HTT: variants seen among roughly 807,000 people sequenced by gnomAD.
The protein encoded by HTT is huntington disease protein.
A neutral mutation model predicts 362.3 loss-of-function variants in HTT; 104 were observed. The observed-to-expected ratio is 0.29, with a 90% confidence interval of 0.24 to 0.34. HTT has a LOEUF of 0.34. Among genes scored for constraint, HTT ranks in the 10% least tolerant of loss-of-function variants. The pLI is 1.00. For synonymous variants in HTT, 1,577 were observed against 1,548.7 expected (o/e 1.02, Z -0.43); for missense variants, 3,301 against 3,928.6 (o/e 0.84, Z 4.27).
chr4:3,232,759 G>A (rs1008974137), intron 60 of HTT, among the ~76,000 whole-genome samples: 8 of 152,242 alleles, frequency 5.3e-5, no homozygotes, highest in South Asian at 2.1e-4. Context: ...TTAACTCCCC[G>A]CACAGTGAGC....
chr4:3,229,118 C>G lies in HTT; in HGVS notation c.8109+109C>G. ...CACACACATGCCACTTGCACACACACCCCTCATGCATGCAACACACACACA... is the reference window on the plus strand; with the variant it reads ...CACACACATGCCACTTGCACACACAGCCCTCATGCATGCAACACACACACA... On this transcript the variant is annotated intron_variant, in intron 59 of 66. Transcript: ENST00000355072. 3.6e-6 allele frequency: 4 copies of G among 1,096,512 alleles called. No homozygotes were observed. In the South Asian group the frequency reaches 5.9e-5, roughly 16 times the overall value. 67.9% of individuals were successfully genotyped at this position (1,096,512 alleles called of 1,614,324 possible).
Position 3,223,469 on chromosome 4 carries a change from A to G in HTT, c.7534A>G (p.Ser2512Gly). ...AVQAITSLVLSAMTVPVAGNP... is the reference protein window; with the variant it reads ...AVQAITSLVLGAMTVPVAGNP... ...GCAGGCCATCACCTCACTGGTGCTCAGTGCAATGACTGTGCCTGTGGCCGG... is the reference window on the plus strand; with the variant it reads ...GCAGGCCATCACCTCACTGGTGCTCGGTGCAATGACTGTGCCTGTGGCCGG... Residue 2512 changes from serine (S) to glycine (G), a missense_variant, in exon 55 of 67, where the codon AGT becomes GGT. Transcript: ENST00000355072. The G allele has an allele frequency of 6.2e-7, 1 of 1,613,844 alleles. No individual in the cohort carries two copies. The highest frequency in any genetic ancestry group is 1.1e-5 in the South Asian group (1 of 91,014).
chr4:3,174,834 C>A, intron 32 of HTT, 35 bp downstream of exon 32: 3 of 1,597,774 alleles, frequency 1.9e-6, no homozygotes, highest in Non-Finnish European at 2.6e-6. Context: ...TGAACTCAGG[C>A]GTGTCAGTGC....
intron 21 of HTT, among the ~76,000 whole-genome samples, chr4:3,138,150 C>CT (rs1716165132): frequency 7.4e-6 from 1 of 135,886 alleles, no homozygotes; most frequent in Admixed American, 7.1e-5. Context: ...CTCCCTTTCC[C>CT]TTTCCCTTCC....
intron 18 of HTT, among the ~76,000 whole-genome samples, chr4:3,133,567 G>C (rs1269988042): frequency 6.6e-6 from 1 of 150,578 alleles, no homozygotes. Flanking sequence ...CCCATAGTAT[G>C]GTAAGAGTTA....
intron 28 of HTT, among the ~76,000 whole-genome samples, chr4:3,158,652 T>C (rs202156984): frequency 5.3e-4 from 80 of 151,586 alleles, no homozygotes; most frequent in East Asian, 1.9e-4. Context: ...GGGTTTTTTT[T>C]CCCCTGAAAA....
At chr4:3,086,667 ACT>A (rs1449071554) in intron 1 of HTT, among the ~76,000 whole-genome samples, 1 of 152,038 alleles carries the variant, frequency 6.6e-6, no homozygotes, top group African/African-American at 2.4e-5. Flanking sequence ...CAAGATCCTG[ACT>A]CTAAAAAAAA....
chr4:3,145,751 G>C (rs1380474313), intron 24 of HTT, among the ~76,000 whole-genome samples: 1 of 152,210 alleles, frequency 6.6e-6, no homozygotes, highest in Non-Finnish European at 1.5e-5. Context: ...CAATTACTGA[G>C]AATGATTTTG....
chr4:3,131,437 C>T, intron 15 of HTT, 40 bp downstream of exon 15: 1 of 1,545,656 alleles, frequency 6.5e-7, no homozygotes, highest in Non-Finnish European at 8.9e-7. Context: ...AAGGAAATAA[C>T]TAGGTTTCAG....
Position 3,115,346 on chromosome 4 carries a change from C to G in HTT, c.790C>G (p.Pro264Ala). The G allele has an allele frequency of 1.9e-6, 3 of 1,614,130 alleles. No individual in the cohort carries two copies. The highest frequency in any genetic ancestry group is 1.7e-6 in the Non-Finnish European group (2 of 1,179,992). Residue 264 changes from proline (P) to alanine (A), a missense_variant, in exon 7 of 67, where the codon CCC becomes GCC. Pro to Ala is a conservative substitution (Grantham distance 27). Around this residue, in one of 4 missense-constraint regions of HTT, gnomAD observed 2,316 missense variants for 2,658.5 expected, o/e 0.87. Transcript: ENST00000355072. ...CATAGCGAACCTGAAGTCAAGCTCC[C>G]CCACCATTCGGCGGACAGCGGCTGG... ...AFIANLKSSS[P>A]TIRRTAAGSA... is the part of the protein sequence containing the mutation.
In HTT at chr4:3,209,854, C is replaced by G; in HGVS notation, c.6319C>G (p.Gln2107Glu). 1.2e-6 allele frequency: 2 copies of G among 1,614,054 alleles called. No homozygotes were observed. Among genetic ancestry groups the G allele is most frequent in the Non-Finnish European group, 1.7e-6 (2 of 1,179,970 alleles). The stretch of plus-strand genomic sequence containing the variant: ...CTGGTACGTTCATCTTGTCAAATCC[C>G]AGTGTTGGACCAGGTCAGATTCTGC... ...KDWYVHLVKSQCWTRSDSALL... is the reference protein window; with the variant it reads ...KDWYVHLVKSECWTRSDSALL... Residue 2107 changes from glutamine (Q) to glutamate (E), a missense_variant, in exon 47 of 67, where the codon CAG becomes GAG. Around this residue, in one of 4 missense-constraint regions of HTT, gnomAD observed 2,316 missense variants for 2,658.5 expected, o/e 0.87. Transcript: ENST00000355072.
Position 3,225,214 on chromosome 4 carries a change from C to T in HTT, c.7766-447C>T, listed in dbSNP as rs553837001. Among the ~76,000 whole-genome samples, 8 of 152,250 alleles carry T rather than the reference C, an allele frequency of 5.3e-5. No individual in the cohort carries two copies. In the East Asian group the frequency reaches 1.5e-3, roughly 29 times the overall value. On this transcript the variant is annotated intron_variant, in intron 56 of 66. Transcript: ENST00000355072. The stretch of plus-strand genomic sequence containing the variant: ...CTGCTCCCGCTCCTGCCGGCTGTAT[C>T]TGGTCAGCCTGGGCACCGAGGTGGG...
At position 3,199,904 on chromosome 4, in the gene HTT, C is replaced by A. The variant is rs1297984136; in HGVS notation, c.5541C>A (p.Asp1847Glu). 1 of 1,614,022 alleles carries A rather than the reference C, an allele frequency of 6.2e-7. No individual in the cohort carries two copies. The highest frequency in any genetic ancestry group is 8.5e-7 in the Non-Finnish European group (1 of 1,180,004). Residue 1847 changes from aspartate (D) to glutamate (E), a missense_variant, in exon 41 of 67, where the codon GAC becomes GAA. Physicochemically the swap from Asp to Glu is conservative, Grantham distance 45 (BLOSUM62 2). Around this residue, in one of 4 missense-constraint regions of HTT, gnomAD observed 2,316 missense variants for 2,658.5 expected, o/e 0.87. Coordinates refer to ENST00000355072, the MANE Select transcript of HTT (RefSeq NM_001388492.1). ...CQILLLVNHT[D>E]YRWWAEVQQT... ...TACTGCTGCTTGTCAACCACACCGA[C>A]TACCGCTGGTGGGCAGAAGTGCAGC...
rs1000882022 is a variant in HTT at position 3,115,342 on chromosome 4, C to G, written c.786C>G (p.Ser262Arg). The G allele has an allele frequency of 1.9e-6, 3 of 1,614,144 alleles. No homozygotes were observed. Among genetic ancestry groups the G allele is most frequent in the East Asian group, 2.2e-5 (1 of 44,880 alleles). ...CCTTCATAGCGAACCTGAAGTCAAG[C>G]TCCCCCACCATTCGGCGGACAGCGG... is the stretch of plus-strand genomic sequence containing the variant. Reference protein sequence around the residue: ...LKAFIANLKSSSPTIRRTAAG... With the variant: ...LKAFIANLKSRSPTIRRTAAG... The change falls in exon 7 of 67, where the codon AGC becomes AGG. Residue 262 changes from serine to arginine, a missense_variant. Physicochemically the swap from Ser to Arg is moderately radical, Grantham distance 110 (BLOSUM62 -1). Coordinates refer to ENST00000355072, the MANE Select transcript of HTT (RefSeq NM_001388492.1).
At chr4:3,176,028 T>TGG (rs201301333) in intron 33 of HTT, among the ~76,000 whole-genome samples, 4,838 of 146,428 alleles carry the variant, frequency 0.033, 256 homozygotes, top group African/African-American at 0.12. Flanking sequence ...GTTGTTTGTT[T>TGG]TTTTTTGTTT....
At chr4:3,222,289 C>A in intron 53 of HTT, 98 bp from the exon 54 acceptor site, 1 of 924,448 alleles carries the variant, frequency 1.1e-6, no homozygotes, top group Non-Finnish European at 1.7e-6. Context: ...TGGCGTGGAG[C>A]CTTCTCCAGG....
chr4:3,160,432 C>T, intron 29 of HTT, 40 bp downstream of exon 29: 2 of 1,324,124 alleles, frequency 1.5e-6, no homozygotes, highest in South Asian at 2.5e-5. Context: ...GTGGCTGGCA[C>T]ACTTGATGTG....
Position 3,116,188 on chromosome 4 carries a change from C to T in HTT, c.993C>T (p.Asp331=). Residue 331 remains aspartate, a synonymous_variant, in exon 8 of 67, where the codon GAC becomes GAT. Coordinates refer to ENST00000355072, the MANE Select transcript of HTT (RefSeq NM_001388492.1). ...LVPLLQQQVK[D]TSLKGSFGVT... Reference sequence around the variant, plus strand: ...CCTTGCTGCAGCAGCAGGTCAAGGACACAAGCCTGAAAGGCAGCTTCGGAG... The same window carrying T: ...CCTTGCTGCAGCAGCAGGTCAAGGATACAAGCCTGAAAGGCAGCTTCGGAG... 6.2e-7 allele frequency: 1 copy of T among 1,614,088 alleles called. No homozygotes were observed. The highest frequency in any genetic ancestry group is 8.5e-7 in the Non-Finnish European group (1 of 1,179,946).
chr4:3,195,178 CTG>C (rs1457544715), intron 40 of HTT, among the ~76,000 whole-genome samples: 2 of 152,042 alleles, frequency 1.3e-5, no homozygotes, highest in African/African-American at 4.8e-5. Context: ...ATGGTTCTCT[CTG>C]TGTCATAGCT....
Sources: allele counts gnomAD v4.1 joint callset (sites outside exome capture counted in the v4.1 genomes callset), GRCh38; gene constraint gnomAD v4.1.1; regional missense constraint gnomAD v4.1.1; transcripts MANE v1.5; gene names NCBI Gene and HGNC (gene_info 2026-07-23, HGNC 2026-07-21).